MBOAT1: variants seen among roughly 807,000 people sequenced by gnomAD.
MBOAT1 encodes the protein membrane-bound glycerophospholipid O-acyltransferase 1.
Under a neutral mutation model 64.4 loss-of-function variants are expected in MBOAT1, and 67 were observed. That is an observed-to-expected ratio of 1.04 (90% CI 0.85 to 1.27). MBOAT1 has a LOEUF of 1.27. Among genes scored for constraint, MBOAT1 ranks in the 50% most tolerant of loss-of-function variants. MBOAT1 has a pLI of 0.00. For missense variants in MBOAT1, 563 were observed against 604.6 expected, an observed-to-expected ratio of 0.93 and a Z score of 0.72; for synonymous variants, 229 against 218.9, an observed-to-expected ratio of 1.05 and a Z score of -0.41.
At chr6:20,156,471 T>A (rs193047447) in intron 1 of MBOAT1, among the ~76,000 whole-genome samples, 101 of 152,266 alleles carry the variant, frequency 6.6e-4, no homozygotes, top group Admixed American at 1.4e-3. Context: ...CATGGCAAAC[T>A]GCTCTAAAGC....
At chr6:20,193,196 CG>C (rs1561783759) in intron 1 of MBOAT1, among the ~76,000 whole-genome samples, 1 of 150,290 alleles carries the variant, frequency 6.7e-6, no homozygotes, top group Non-Finnish European at 1.5e-5. Flanking sequence ...TTAGTAGAGA[CG>C]GGGTTTCACC....
intron 10 of MBOAT1, among the ~76,000 whole-genome samples, chr6:20,114,506 T>C (rs1760262819): frequency 6.6e-6 from 1 of 152,182 alleles, no homozygotes; most frequent in South Asian, 2.1e-4. Context: ...TCATCGGTGA[T>C]TTGATGCAGG....
intron 12 of MBOAT1, among the ~76,000 whole-genome samples, chr6:20,106,029 C>T (rs958085929): frequency 6.6e-6 from 1 of 152,138 alleles, no homozygotes; most frequent in Non-Finnish European, 1.5e-5. Context: ...CAACGAAGTA[C>T]AAGTGAAATT....
chr6:20,191,168 C>T (rs1433297488), intron 1 of MBOAT1, among the ~76,000 whole-genome samples: 4 of 152,134 alleles, frequency 2.6e-5, no homozygotes, highest in South Asian at 4.1e-4. Context: ...TTAGTTATCT[C>T]GAAAACAGGT....
chr6:20,150,584 G>A (rs1420925471), intron 3 of MBOAT1, among the ~76,000 whole-genome samples: 1 of 130,288 alleles, frequency 7.7e-6, no homozygotes, highest in Non-Finnish European at 1.6e-5. Flanking sequence ...TTTTTTGACA[G>A]AGGAGTTTCC....
rs1414853488 is a variant in MBOAT1 at position 20,131,156 on chromosome 6, G to A, written c.463C>T (p.Gln155Ter). 1.9e-6 allele frequency: 3 copies of A among 1,613,782 alleles called. No homozygotes were observed. Among genetic ancestry groups the A allele is most frequent in the Non-Finnish European group, 1.7e-6 (2 of 1,179,714 alleles). ...VTQKITTLAF[Q>*]VHDGLGRRAE... ...CTGCTGTTCTTACCATCATGAACCT[G>A]GAATGCCAAGGTTGTGATCTTCTGA... is the stretch of plus-strand genomic sequence containing the variant. Residue 155 changes from glutamine to a stop codon, truncating the protein, a stop_gained, in exon 5 of 13, where the codon CAG becomes TAG. Coordinates refer to ENST00000324607, the MANE Select transcript of MBOAT1 (RefSeq NM_001080480.3). LOFTEE classifies it high-confidence loss of function.
chr6:20,102,204 C>A lies in MBOAT1; in HGVS notation c.*82G>T. The A allele has an allele frequency of 1.4e-6, 2 of 1,444,556 alleles. No individual in the cohort carries two copies. Among genetic ancestry groups the A allele is most frequent in the Non-Finnish European group, 9.4e-7 (1 of 1,064,826 alleles). The allele number at this position is 1,444,556 out of a possible 1,614,324, so 89.5% of individuals were successfully genotyped here. A position where few individuals can be genotyped will look rare whatever the true frequency, so the allele number is the denominator to read the frequency against. On this transcript the variant is annotated 3_prime_UTR_variant, in exon 13 of 13. Coordinates refer to ENST00000324607, the MANE Select transcript of MBOAT1 (RefSeq NM_001080480.3). ...GATGCATGTAAACATCGCCTCTAAG[C>A]CACCGGAGGAGCCCTTGAAGCCTTG...
chr6:20,205,191 C>G (rs558237687), intron 1 of MBOAT1, among the ~76,000 whole-genome samples: 1 of 151,338 alleles, frequency 6.6e-6, no homozygotes, highest in South Asian at 2.1e-4. Context: ...AGAGTGAGAT[C>G]CCATCTCAGA....
intron 1 of MBOAT1, among the ~76,000 whole-genome samples, chr6:20,207,675 C>T (rs1763302967): frequency 6.6e-6 from 1 of 152,208 alleles, no homozygotes; most frequent in Non-Finnish European, 1.5e-5. Context: ...GCCTTGACTA[C>T]AAAGAGACTT....
chr6:20,156,075 T>A (rs920423270), intron 1 of MBOAT1, among the ~76,000 whole-genome samples: 2 of 152,024 alleles, frequency 1.3e-5, no homozygotes, highest in African/African-American at 2.4e-5. Flanking sequence ...GAGACCATCC[T>A]GGCTAACACG....
rs1418382133 is a variant in MBOAT1 at position 20,171,770 on chromosome 6, A to G, written c.100-19001T>C. 5.9e-5 allele frequency among the ~76,000 whole-genome samples: 9 copies of G among 152,302 alleles called. No individual in the cohort carries two copies. The South Asian group carries it at 1.7e-3, about 28-fold the overall frequency. ...AAAAAGAAGCCAGGCGCAGTGGCTC[A>G]TGCCTGTAATCCCACTACTTTGGGA... is the stretch of plus-strand genomic sequence containing the variant. On this transcript the variant is annotated intron_variant, in intron 1 of 12. Transcript: ENST00000324607.
intron 11 of MBOAT1, among the ~76,000 whole-genome samples, 188 bp downstream of exon 11, chr6:20,112,688 T>C (rs1760202741): frequency 1.3e-5 from 2 of 152,226 alleles, no homozygotes; most frequent in African/African-American, 4.8e-5. Flanking sequence ...ATTTTTGTAA[T>C]GACTCCAGAG....
rs1759755466 is a variant in MBOAT1, at chr6:20,100,441, G to T, written c.*1845C>A. On this transcript the variant is annotated 3_prime_UTR_variant, in exon 13 of 13. Coordinates refer to ENST00000324607, the MANE Select transcript of MBOAT1 (RefSeq NM_001080480.3). Reference sequence around the variant, plus strand: ...GATTCTTCCTGGGACAGCGAAGTAGGGTTGCCCCAAGATTTCCTTGTTAAA... The same window carrying T: ...GATTCTTCCTGGGACAGCGAAGTAGTGTTGCCCCAAGATTTCCTTGTTAAA... Among the ~76,000 whole-genome samples the T allele has an allele frequency of 6.6e-6, 1 of 152,102 alleles. No homozygotes were observed. The highest frequency in any genetic ancestry group is 2.1e-4 in the South Asian group (1 of 4,808).
At chr6:20,170,566 T>C (rs1353881091) in intron 1 of MBOAT1, among the ~76,000 whole-genome samples, 1 of 152,124 alleles carries the variant, frequency 6.6e-6, no homozygotes, top group African/African-American at 2.4e-5. Context: ...TCCCTCCATA[T>C]AGCTACCTGA....
At chr6:20,127,164 A>T (rs539540672) in intron 6 of MBOAT1, among the ~76,000 whole-genome samples, 8 of 152,322 alleles carry the variant, frequency 5.3e-5, no homozygotes, top group Non-Finnish European at 7.3e-5. Context: ...CCACTGAAAG[A>T]GGCCACGCAG....
intron 3 of MBOAT1, among the ~76,000 whole-genome samples, chr6:20,150,713 A>T (rs28759122): frequency 0.31 from 45,668 of 148,738 alleles, 7,442 homozygotes; most frequent in East Asian, 0.47. Context: ...ATAGGTGCGC[A>T]CCACTACGCC....
In MBOAT1 at chr6:20,124,590, A is replaced by G; in HGVS notation, c.725T>C (p.Ile242Thr). ...CACCAAGGTGATGCCCAACTTGTGT[A>G]TCACAGCTCCCTGAAAATGGGGAAA... ...LPEPSPTGAV[I>T]HKLGITLVSL... The change falls in exon 8 of 13, where the codon ATA (isoleucine) becomes ACA (threonine). Residue 242 changes from isoleucine (I) to threonine (T), a missense_variant. Coordinates refer to ENST00000324607, the MANE Select transcript of MBOAT1 (RefSeq NM_001080480.3). 6.2e-7 allele frequency: 1 copy of G among 1,613,986 alleles called. No individual in the cohort carries two copies. Among genetic ancestry groups the G allele is most frequent in the Non-Finnish European group, 8.5e-7 (1 of 1,179,920 alleles).
chr6:20,157,342 T>C (rs1031717294), intron 1 of MBOAT1, among the ~76,000 whole-genome samples: 1 of 152,146 alleles, frequency 6.6e-6, no homozygotes, highest in Non-Finnish European at 1.5e-5. Flanking sequence ...GAAAAACATT[T>C]GAGATAACTA....
intron 10 of MBOAT1, among the ~76,000 whole-genome samples, chr6:20,115,026 C>A (rs1479340942): frequency 6.6e-6 from 1 of 152,162 alleles, no homozygotes; most frequent in Non-Finnish European, 1.5e-5. Context: ...ATACCCCCAA[C>A]ATATCATGAG....
Sources: allele counts gnomAD v4.1 joint callset (sites outside exome capture counted in the v4.1 genomes callset), GRCh38; gene constraint gnomAD v4.1.1; transcripts MANE v1.5; gene names NCBI Gene and HGNC (gene_info 2026-07-23, HGNC 2026-07-21).